The following SNX17 variants were observed in gnomAD, a reference collection of about 807,000 sequenced individuals.
SNX17 encodes sorting nexin-17.
A neutral mutation model predicts 64.3 loss-of-function variants in SNX17; 35 were observed. The ratio of observed to expected loss-of-function variants is 0.54; its 90% confidence interval spans 0.42 to 0.72. SNX17 has a LOEUF of 0.72. SNX17 is among the 30% of genes least tolerant of loss of function. The pLI is 0.00. For synonymous variants in SNX17, 259 were observed against 230.2 expected, an observed-to-expected ratio of 1.13 and a Z score of -1.13; for missense variants, 538 against 610.0, an observed-to-expected ratio of 0.88 and a Z score of 1.24.
In SNX17 at chr2:27,373,991, C is replaced by T. The variant is rs1234780583; in HGVS notation, c.432+20C>T. 2 of 1,610,858 alleles carry T rather than the reference C, an allele frequency of 1.2e-6. No homozygotes were observed. The highest frequency in any genetic ancestry group is 2.2e-5 in the South Asian group (2 of 91,036). On this transcript the variant is annotated intron_variant, in intron 5 of 14. Transcript: ENST00000233575. ...CTGGAGGTGAGGCGCTTGTTCAGCACTGCCCCTTCTTCCCCTACATCCTGG... is the reference window on the plus strand; with the variant it reads ...CTGGAGGTGAGGCGCTTGTTCAGCATTGCCCCTTCTTCCCCTACATCCTGG...
rs753651674 is a variant in SNX17 at position 27,374,373 on chromosome 2, T to C, written c.551T>C (p.Leu184Pro). The change falls in exon 7 of 15, where the codon CTG (leucine) becomes CCG (proline). Residue 184 changes from leucine to proline, a missense_variant. By Grantham distance (98) the Leu-to-Pro change is moderately conservative. Coordinates refer to ENST00000233575, the MANE Select transcript of SNX17 (RefSeq NM_014748.4). Reference protein sequence around the residue: ...SFVRKLQEFELPYVSVTSLRS... With the variant: ...SFVRKLQEFEPPYVSVTSLRS... Reference sequence around the variant, plus strand: ...GTACGGAAGTTGCAAGAGTTTGAGCTGCCTTATGTGTCTGTCACCAGCCTT... The same window carrying C: ...GTACGGAAGTTGCAAGAGTTTGAGCCGCCTTATGTGTCTGTCACCAGCCTT... 1 of 1,613,950 alleles carries C rather than the reference T, an allele frequency of 6.2e-7. No individual in the cohort carries two copies. Among genetic ancestry groups the C allele is most frequent in the Non-Finnish European group, 8.5e-7 (1 of 1,179,970 alleles).
chr2:27,375,055 C>T lies in SNX17; in HGVS notation c.682-6C>T, dbSNP rs1403058185. On this transcript the variant is annotated splice_polypyrimidine_tract_variant and splice_region_variant and intron_variant, in intron 8 of 14. Transcript: ENST00000233575. This position sits in a 1 kb window ranked among gnomAD's most constrained non-coding sequence, Gnocchi z 4.1. ...TCCTACTGCCTGCCCCTTGTCTCTA[C>T]TATAGACGGTATCAGATATTGAGCG... The T allele has an allele frequency of 6.2e-7, 1 of 1,613,630 alleles. No homozygotes were observed. Among genetic ancestry groups the T allele is most frequent in the Non-Finnish European group, 8.5e-7 (1 of 1,179,550 alleles).
intron 2 of SNX17, 30 bp from the exon 3 acceptor site, chr2:27,372,593 G>C (rs1380055535): frequency 6.2e-7 from 1 of 1,614,092 alleles, no homozygotes; most frequent in Non-Finnish European, 8.5e-7. Context: ...CTGTGTTTAT[G>C]TGAAGGGTTG....
At chr2:27,371,144 G>A (rs1283254398) in intron 1 of SNX17, 125 bp from the exon 2 acceptor site, 2 of 883,742 alleles carry the variant, frequency 2.3e-6, no homozygotes, top group African/African-American at 3.3e-5. Flanking sequence ...GCGAAAACAA[G>A]CGAACTATCC....
chr2:27,377,421 C>G lies in SNX17; in HGVS notation c.*702C>G, dbSNP rs528583767. On this transcript the variant is annotated 3_prime_UTR_variant, in exon 15 of 15. Coordinates refer to ENST00000233575, the MANE Select transcript of SNX17 (RefSeq NM_014748.4). The surrounding 1 kb of genome is among the most constrained non-coding windows in gnomAD (Gnocchi z 4.4). ...GTCCCCTGGTCCATATGGGCCCCCC[C>G]GCCCATGGGGTTGGGCTGGTCCTTA... is the stretch of plus-strand genomic sequence containing the variant. 177 of 1,082,564 alleles carry G rather than the reference C, an allele frequency of 1.6e-4. No homozygotes were observed. In the East Asian group the frequency reaches 2.5e-3, roughly 15 times the overall value. The allele number at this position is 1,082,564 out of a possible 1,614,324, so 67.1% of individuals were successfully genotyped here. A position where few individuals can be genotyped will look rare whatever the true frequency, so the allele number is the denominator to read the frequency against.
intron 4 of SNX17, 142 bp from the exon 5 acceptor site, chr2:27,373,719 A>G (rs1316303534): frequency 4.6e-6 from 3 of 648,478 alleles, no homozygotes; most frequent in Non-Finnish European, 8.2e-6. Flanking sequence ...TGGAACTTCT[A>G]TTCTTATGAA....
chr2:27,374,398 T>A lies in SNX17; in HGVS notation c.576T>A (p.Leu192=). The A allele has an allele frequency of 6.2e-7, 1 of 1,614,026 alleles. No individual in the cohort carries two copies. Among genetic ancestry groups the A allele is most frequent in the Non-Finnish European group, 8.5e-7 (1 of 1,180,010 alleles). ...TGCCTTATGTGTCTGTCACCAGCCT[T>A]CGGAGTCAAGAGTATAAGATTGTGC... ...FELPYVSVTS[L]RSQEYKIVLR... Residue 192 remains leucine, a synonymous_variant, in exon 7 of 15, where the codon CTT becomes CTA. Coordinates refer to ENST00000233575, the MANE Select transcript of SNX17 (RefSeq NM_014748.4).
At chr2:27,373,155 G>A (rs746506178) in intron 3 of SNX17, 92 bp from the exon 4 acceptor site, 121 of 1,608,110 alleles carry the variant, frequency 7.5e-5, no homozygotes, top group Middle Eastern at 4.9e-4. Flanking sequence ...CATCAGCCCA[G>A]GAAATGGGGT....
chr2:27,370,675 G>T lies in SNX17; in HGVS notation c.-69G>T. The T allele has an allele frequency of 6.0e-6, 9 of 1,494,486 alleles. No individual in the cohort carries two copies. The highest frequency in any genetic ancestry group is 8.1e-6 in the Non-Finnish European group (9 of 1,116,066). The allele number at this position is 1,494,486 out of a possible 1,614,324, so 92.6% of individuals were successfully genotyped here. A position where few individuals can be genotyped will look rare whatever the true frequency, so the allele number is the denominator to read the frequency against. ...GGCTGCGGGGACTCGCTGAGCAGCG[G>T]AGGGGGAGCGTGCAGAGCCGCTGCG... On this transcript the variant is annotated 5_prime_UTR_variant, in exon 1 of 15. Coordinates refer to ENST00000233575, the MANE Select transcript of SNX17 (RefSeq NM_014748.4).
At position 27,377,503 on chromosome 2, in the gene SNX17, TTCTGGTCCG is replaced by T; in HGVS notation, c.*789_*797del. The T allele has an allele frequency of 6.2e-7, 1 of 1,607,288 alleles. No individual in the cohort carries two copies. The highest frequency in any genetic ancestry group is 8.5e-7 in the Non-Finnish European group (1 of 1,174,670). On this transcript the variant is annotated 3_prime_UTR_variant, in exon 15 of 15. Transcript: ENST00000233575. The surrounding 1 kb of genome is among the most constrained non-coding windows in gnomAD (Gnocchi z 4.4). ...GGCCAGCGGGGGAGAAAAAGGTGGC[TTCTGGTCCG>T]TCTGTATAAAACATGGGGAAGAAGG...
At chr2:27,374,271 C>T in intron 6 of SNX17, 75 bp from the exon 7 acceptor site, 2 of 1,490,942 alleles carry the variant, frequency 1.3e-6, no homozygotes, top group Non-Finnish European at 1.9e-6. Flanking sequence ...TGAACATTGC[C>T]TCAGGGCACT....
intron 14 of SNX17, 35 bp downstream of exon 14, chr2:27,376,555 G>T (rs778149828): frequency 6.2e-7 from 1 of 1,614,134 alleles, no homozygotes; most frequent in South Asian, 1.1e-5. Flanking sequence ...GCTGTTTGTT[G>T]GGGGATCTTG....
At chr2:27,372,960 A>C in intron 3 of SNX17, 1 of 1,329,540 alleles carries the variant, frequency 7.5e-7, no homozygotes, top group South Asian at 1.3e-5. Flanking sequence ...ATACTAGTAT[A>C]ACACTAGTCT....
Position 27,377,385 on chromosome 2 carries a change from G to A in SNX17, c.*666G>A, listed in dbSNP as rs962394772. The A allele has an allele frequency of 1.9e-5, 15 of 797,052 alleles. No homozygotes were observed. Among genetic ancestry groups the A allele is most frequent in the Non-Finnish European group, 3.2e-5 (15 of 471,594 alleles). The allele number at this position is 797,052 out of a possible 1,614,324, so 49.4% of individuals were successfully genotyped here. ...CTCACTGAGCTCGTGAAGTGCCTCA[G>A]TCAAGGCAAGGTCCCCTGGTCCATA... is the stretch of plus-strand genomic sequence containing the variant. On this transcript the variant is annotated 3_prime_UTR_variant, in exon 15 of 15. Coordinates refer to ENST00000233575, the MANE Select transcript of SNX17 (RefSeq NM_014748.4). This position sits in a 1 kb window ranked among gnomAD's most constrained non-coding sequence, Gnocchi z 4.4.
In SNX17 at chr2:27,376,346, C is replaced by T. The variant is rs144142186; in HGVS notation, c.1216C>T (p.Arg406Cys). ...CCGGCGGGTGGGGGGTACTCTGAGA[C>T]GCTCAGACAGCCAGCAAGCAGTGAA... ...LRRRVGGTLR[R>C]SDSQQAVKSP... is the part of the protein sequence containing the mutation. Residue 406 changes from arginine (R) to cysteine (C), a missense_variant, in exon 13 of 15, where the codon CGC becomes TGC. This residue lies in a region of SNX17 where 505 missense variants were observed against 550.4 expected (regional missense o/e 0.92). Coordinates refer to ENST00000233575, the MANE Select transcript of SNX17 (RefSeq NM_014748.4). 2.9e-5 allele frequency: 46 copies of T among 1,612,502 alleles called. No individual in the cohort carries two copies. Among genetic ancestry groups the T allele is most frequent in the East Asian group, 1.6e-4 (7 of 44,812 alleles).
chr2:27,374,194 G>C lies in SNX17; in HGVS notation c.523+19G>C. The C allele has an allele frequency of 6.2e-7, 1 of 1,609,046 alleles. No individual in the cohort carries two copies. Among genetic ancestry groups the C allele is most frequent in the Non-Finnish European group, 8.5e-7 (1 of 1,176,056 alleles). ...TTTTCTTGTGAGTTTCTCTGGACTTGACTGCAGTACAAGGGTACTTCAGTA... is the reference window on the plus strand; with the variant it reads ...TTTTCTTGTGAGTTTCTCTGGACTTCACTGCAGTACAAGGGTACTTCAGTA... On this transcript the variant is annotated intron_variant, in intron 6 of 14. Coordinates refer to ENST00000233575, the MANE Select transcript of SNX17 (RefSeq NM_014748.4).
intron 6 of SNX17, 66 bp from the exon 7 acceptor site, chr2:27,374,280 C>T (rs1682939288): frequency 2.6e-6 from 4 of 1,539,570 alleles, no homozygotes; most frequent in Middle Eastern, 1.7e-4. Flanking sequence ...CCTCAGGGCA[C>T]TTCTTTCTTG....
At chr2:27,374,477 T>A in intron 7 of SNX17, 44 bp downstream of exon 7, 1 of 1,538,766 alleles carries the variant, frequency 6.5e-7, no homozygotes, top group Non-Finnish European at 9.0e-7. Context: ...GGTGCTGTGC[T>A]GGATTGGATT....
chr2:27,375,293 G>A lies in SNX17; in HGVS notation c.774+140G>A, dbSNP rs1257620135. 5 of 894,010 alleles carry A rather than the reference G, an allele frequency of 5.6e-6. No homozygotes were observed. The highest frequency in any genetic ancestry group is 1.6e-5 in the South Asian group (1 of 62,642). The allele number at this position is 894,010 out of a possible 1,614,324, so 55.4% of individuals were successfully genotyped here. A position where few individuals can be genotyped will look rare whatever the true frequency, so the allele number is the denominator to read the frequency against. The stretch of plus-strand genomic sequence containing the variant: ...AGCTGGGACTACAGGCACCCGCCAC[G>A]ACGCCCGGCTAATTTTTTGTATTTT... On this transcript the variant is annotated intron_variant, in intron 9 of 14. Coordinates refer to ENST00000233575, the MANE Select transcript of SNX17 (RefSeq NM_014748.4). The surrounding 1 kb of genome is among the most constrained non-coding windows in gnomAD (Gnocchi z 4.1).
Sources: allele counts gnomAD v4.1 joint callset, GRCh38; gene constraint gnomAD v4.1.1; regional missense constraint gnomAD v4.1.1; non-coding constraint Gnocchi (gnomAD v3.1); transcripts MANE v1.5; gene names NCBI Gene and HGNC (gene_info 2026-07-23, HGNC 2026-07-21).